The following CTNNA3 variants were observed in gnomAD, a reference collection of about 807,000 sequenced individuals.
The protein encoded by CTNNA3 is catenin alpha 3.
In CTNNA3, 76 loss-of-function variants were observed where a neutral mutation model predicts 95.7. The ratio of observed to expected loss-of-function variants is 0.79; its 90% CI spans 0.66 to 0.96. The LOEUF (loss-of-function observed/expected upper bound fraction) is 0.96, where lower values mean the gene tolerates loss of function less well. CTNNA3 is among the 40% of genes least tolerant of loss of function. The probability of loss-of-function intolerance (pLI) is 0.00; values close to 1 mark genes in which losing one functional copy is unlikely to be tolerated. For synonymous variants in CTNNA3, 431 were observed against 374.4 expected (o/e 1.15, Z -1.74); for missense variants, 1,191 against 1,089.8 (o/e 1.09, Z -1.31).
At chr10:66,844,477 G>A (rs1288710481) in intron 7 of CTNNA3, among the ~76,000 whole-genome samples, 3 of 152,078 alleles carry the variant, frequency 2.0e-5, no homozygotes, top group Non-Finnish European at 1.5e-5. Context: ...CTTGGACCTT[G>A]CTTGCAAATT....
chr10:66,659,170 A>T (rs1427105513), intron 9 of CTNNA3, among the ~76,000 whole-genome samples: 2 of 146,944 alleles, frequency 1.4e-5, no homozygotes, highest in Non-Finnish European at 3.0e-5. Context: ...GAGACAAAAA[A>T]TAATTAAGAA....
intron 7 of CTNNA3, among the ~76,000 whole-genome samples, chr10:67,116,721 A>AATATATATATATAT (rs34041126): frequency 2.0e-4 from 29 of 143,528 alleles, no homozygotes; most frequent in African/African-American, 7.1e-4. Context: ...CAGTTTTGAA[A>AATATATATATATAT]ATATATATAT....
chr10:67,648,089 T>C (rs1275635434), intron 1 of CTNNA3, among the ~76,000 whole-genome samples: 1 of 152,116 alleles, frequency 6.6e-6, no homozygotes, highest in Non-Finnish European at 1.5e-5. Flanking sequence ...TGCACAGTTG[T>C]TGTAAAAAGA....
intron 5 of CTNNA3, among the ~76,000 whole-genome samples, chr10:67,482,218 A>T (rs1340553893): frequency 2.0e-5 from 3 of 151,318 alleles, no homozygotes; most frequent in Non-Finnish European, 4.4e-5. Context: ...CTTAGGATTG[A>T]CTTGGCGATG....
chr10:66,839,051 C>G (rs1842966955), intron 7 of CTNNA3, among the ~76,000 whole-genome samples: 1 of 151,452 alleles, frequency 6.6e-6, no homozygotes, highest in South Asian at 2.1e-4. Flanking sequence ...AAAACAGAAT[C>G]AAGAGTAAGT....
In CTNNA3 at chr10:66,881,319, T is replaced by C. The variant is rs574360953; in HGVS notation, c.1048-105795A>G. On this transcript the variant is annotated intron_variant, in intron 7 of 17. Coordinates refer to ENST00000433211, the MANE Select transcript of CTNNA3 (RefSeq NM_013266.4). ...AATGCAGAACAAACAAGCAATTATA[T>C]ACAATCTATAAAGTCTATGAGTAAT... Among the ~76,000 whole-genome samples, 4 of 152,282 alleles carry C rather than the reference T, an allele frequency of 2.6e-5. No homozygotes were observed. In the East Asian group the frequency reaches 5.8e-4, roughly 22 times the overall value.
intron 7 of CTNNA3, among the ~76,000 whole-genome samples, chr10:66,996,427 C>T (rs113521357): frequency 0.074 from 11,313 of 151,962 alleles, 582 homozygotes; most frequent in African/African-American, 0.14. Flanking sequence ...GGGCAGATTG[C>T]CTGGGCTCAG....
chr10:67,008,587 C>G (rs1487031688), intron 7 of CTNNA3, among the ~76,000 whole-genome samples: 1 of 152,132 alleles, frequency 6.6e-6, no homozygotes, highest in African/African-American at 2.4e-5. Flanking sequence ...CCTGGCTCAT[C>G]TCTGAAGTCA....
At chr10:66,762,452 A>G (rs777650696) in intron 9 of CTNNA3, among the ~76,000 whole-genome samples, 1 of 152,036 alleles carries the variant, frequency 6.6e-6, no homozygotes, top group Non-Finnish European at 1.5e-5. Context: ...ATTAGCCACA[A>G]AGATCTAGAT....
intron 10 of CTNNA3, among the ~76,000 whole-genome samples, chr10:66,598,407 C>G (rs1261767462): frequency 6.6e-6 from 1 of 151,890 alleles, no homozygotes; most frequent in Non-Finnish European, 1.5e-5. Context: ...GAAGTCTTAC[C>G]CAGAGCAATT....
intron 7 of CTNNA3, among the ~76,000 whole-genome samples, chr10:66,915,077 A>C (rs917136985): frequency 6.6e-6 from 1 of 152,168 alleles, no homozygotes; most frequent in African/African-American, 2.4e-5. Flanking sequence ...GTTTCAGAGA[A>C]AGAGAACAAA....
chr10:67,231,619 TCTC>T (rs1865216438), intron 5 of CTNNA3, among the ~76,000 whole-genome samples: 1 of 151,946 alleles, frequency 6.6e-6, no homozygotes, highest in Non-Finnish European at 1.5e-5. Flanking sequence ...GCAGAGCACC[TCTC>T]CTCCTCCAAA....
chr10:66,748,568 T>A (rs1838981858), intron 9 of CTNNA3, among the ~76,000 whole-genome samples: 1 of 152,172 alleles, frequency 6.6e-6, no homozygotes, highest in Non-Finnish European at 1.5e-5. Context: ...TTTTCATGAA[T>A]AAAAGACATT....
intron 9 of CTNNA3, among the ~76,000 whole-genome samples, chr10:66,756,283 T>C (rs1003735177): frequency 1.3e-5 from 2 of 152,180 alleles, no homozygotes; most frequent in Non-Finnish European, 2.9e-5. Flanking sequence ...AGTGAAACTC[T>C]CTAAGGATGT....
intron 9 of CTNNA3, among the ~76,000 whole-genome samples, chr10:66,732,738 C>T (rs895903328): frequency 8.6e-5 from 13 of 152,046 alleles, no homozygotes; most frequent in Admixed American, 7.2e-4. Flanking sequence ...AAATACAATT[C>T]AAGATGGGAT....
chr10:66,811,949 G>A (rs2132265601), intron 7 of CTNNA3, among the ~76,000 whole-genome samples: 1 of 152,274 alleles, frequency 6.6e-6, no homozygotes, highest in South Asian at 2.1e-4. Flanking sequence ...TTTCATTCAT[G>A]AGTATGTTCA....
chr10:67,643,700 C>A (rs776910055), intron 2 of CTNNA3, among the ~76,000 whole-genome samples: 2 of 151,872 alleles, frequency 1.3e-5, no homozygotes, highest in African/African-American at 4.8e-5. Context: ...CACCTCCCAA[C>A]AGGCCCCAGT....
rs1419341743 is a variant in CTNNA3, at chr10:66,299,864, C to T, written c.1733-19243G>A. On this transcript the variant is annotated intron_variant, in intron 12 of 17. Transcript: ENST00000433211. ...AGAATAGAAAAATAAAAATAATATA[C>T]ATCCAGAAATAGTAAAATACAATGA... 3.3e-5 allele frequency among the ~76,000 whole-genome samples: 5 copies of T among 152,000 alleles called. No individual in the cohort carries two copies. In the East Asian group the frequency reaches 9.6e-4, roughly 29 times the overall value.
intron 7 of CTNNA3, among the ~76,000 whole-genome samples, chr10:66,980,502 C>T (rs955810950): frequency 2.4e-5 from 3 of 126,604 alleles, no homozygotes; most frequent in Non-Finnish European, 3.5e-5. Flanking sequence ...CTATTGAGAC[C>T]TTCCTTCTGT....
Sources: allele counts gnomAD v4.1 joint callset (sites outside exome capture counted in the v4.1 genomes callset), GRCh38; gene constraint gnomAD v4.1.1; transcripts MANE v1.5; gene names NCBI Gene and HGNC (gene_info 2026-07-23, HGNC 2026-07-21).